Variants in PRKCH observed in about 807,000 individuals in gnomAD.
The protein encoded by PRKCH is protein kinase C eta type.
A neutral mutation model predicts 82.5 loss-of-function variants in PRKCH; 28 were observed. That is an observed-to-expected ratio of 0.34 (90% CI 0.25 to 0.47). PRKCH has a LOEUF of 0.47. PRKCH is among the 20% of genes least tolerant of loss of function. PRKCH has a pLI of 1.00. For synonymous variants in PRKCH, 322 were observed against 327.4 expected (o/e 0.98, Z 0.18); for missense variants, 705 against 881.8 (o/e 0.80, Z 2.54).
chr14:61,374,615 A>G (rs4899041), intron 1 of PRKCH, among the ~76,000 whole-genome samples: 55,426 of 151,912 alleles, frequency 0.36, 14,015 homozygotes, highest in African/African-American at 0.72. Context: ...CCAAGGCTTG[A>G]GGCTTGCACC....
chr14:61,432,057 ATC>A (rs1395645490), intron 2 of PRKCH, among the ~76,000 whole-genome samples: 3 of 105,634 alleles, frequency 2.8e-5, no homozygotes, highest in African/African-American at 7.4e-5. Flanking sequence ...GGAAGATAGA[ATC>A]TCTCTCTCTT....
At chr14:61,319,873 C>G (rs551011733), upstream of PRKCH, among the ~76,000 whole-genome samples, 27 of 152,356 alleles carry the variant, frequency 1.8e-4, no homozygotes, top group African/African-American at 6.0e-4. Flanking sequence ...TTGGTGTTTT[C>G]AAGACAGGCC....
chr14:61,230,625 A>G (rs1299021358), intron 1 of PRKCH, among the ~76,000 whole-genome samples: 2 of 152,200 alleles, frequency 1.3e-5, no homozygotes, highest in East Asian at 3.8e-4. Flanking sequence ...ATCTATATGT[A>G]TGACAGAAAT....
intron 2 of PRKCH, among the ~76,000 whole-genome samples, chr14:61,432,379 C>A (rs1883449466): frequency 6.6e-6 from 1 of 152,078 alleles, no homozygotes; most frequent in South Asian, 2.1e-4. Context: ...CGAACATTTC[C>A]CTCCTTCTTC....
intron 12 of PRKCH, among the ~76,000 whole-genome samples, chr14:61,535,492 G>C (rs2043095668): frequency 6.6e-6 from 1 of 152,228 alleles, no homozygotes; most frequent in Non-Finnish European, 1.5e-5. Flanking sequence ...AAAGTGTGCA[G>C]AGGTCTTGAG....
intron 10 of PRKCH, 96 bp from the exon 11 acceptor site, chr14:61,528,979 T>TGG: frequency 9.5e-7 from 1 of 1,049,738 alleles, no homozygotes; most frequent in African/African-American, 1.7e-5. Context: ...CGCACGTGTG[T>TGG]GTGTGTGTGT....
intron 1 of PRKCH, among the ~76,000 whole-genome samples, chr14:61,360,395 C>T (rs2046208628): frequency 6.6e-6 from 1 of 152,042 alleles, no homozygotes; most frequent in African/African-American, 2.4e-5. Context: ...ATCCCAGCTA[C>T]TCGGGAGGCT....
At chr14:61,480,807 G>A (rs933729300) in intron 9 of PRKCH, among the ~76,000 whole-genome samples, 6 of 152,140 alleles carry the variant, frequency 3.9e-5, no homozygotes, top group African/African-American at 1.4e-4. Flanking sequence ...TACAGTTACA[G>A]CGAAGCCTCA....
chr14:61,349,198 G>A (rs775827468), intron 1 of PRKCH, among the ~76,000 whole-genome samples: 1 of 152,188 alleles, frequency 6.6e-6, no homozygotes, highest in Non-Finnish European at 1.5e-5. Context: ...GAAGCAAGTA[G>A]ATCATTGTTT....
At chr14:61,313,586 C>G (rs2045540713) in intron 1 of PRKCH, among the ~76,000 whole-genome samples, 1 of 152,038 alleles carries the variant, frequency 6.6e-6, no homozygotes, top group African/African-American at 2.4e-5. Context: ...TGTTCTCATG[C>G]TGTTGATAAA....
At chr14:61,281,126 G>C in intron 1 of PRKCH, 4 of 1,406,098 alleles carry the variant, frequency 2.8e-6, no homozygotes, top group East Asian at 3.0e-5. Flanking sequence ...TGGGCGCCCC[G>C]GGCCGTGGCG....
chr14:61,406,690 G>A (rs935632304), intron 2 of PRKCH, among the ~76,000 whole-genome samples: 1 of 152,202 alleles, frequency 6.6e-6, no homozygotes, highest in African/African-American at 2.4e-5. Context: ...GCACCTGTGT[G>A]CTAATTCTTA....
chr14:61,455,480 A>G (rs370190357), intron 7 of PRKCH, among the ~76,000 whole-genome samples: 39 of 152,348 alleles, frequency 2.6e-4, no homozygotes, highest in African/African-American at 9.1e-4. Context: ...TTTGAAACCT[A>G]TTATGTAAAA....
intron 1 of PRKCH, among the ~76,000 whole-genome samples, chr14:61,288,056 A>G (rs2045330317): frequency 6.6e-6 from 1 of 152,208 alleles, no homozygotes. Context: ...ATAAATATAT[A>G]TTGCTACATC....
intron 10 of PRKCH, among the ~76,000 whole-genome samples, chr14:61,508,514 G>A (rs928541329): frequency 6.6e-6 from 1 of 152,094 alleles, no homozygotes; most frequent in African/African-American, 2.4e-5. Context: ...CTGATAGTTG[G>A]GTAAAAGGAT....
chr14:61,524,986 T>A (rs532768515), intron 10 of PRKCH: 1 of 152,352 alleles, frequency 6.6e-6, no homozygotes, highest in East Asian at 1.9e-4. Context: ...TAAGATAGGC[T>A]CTGAGTTGGC....
intron 1 of PRKCH, among the ~76,000 whole-genome samples, chr14:61,338,984 A>T (rs1278464709): frequency 6.6e-6 from 1 of 152,210 alleles, no homozygotes; most frequent in Admixed American, 6.5e-5. Flanking sequence ...GTCAAATTAC[A>T]TAGTGACAGC....
At chr14:61,533,186 G>A (rs78458132) in intron 12 of PRKCH, among the ~76,000 whole-genome samples, 2 of 152,124 alleles carry the variant, frequency 1.3e-5, no homozygotes, top group East Asian at 3.9e-4. Flanking sequence ...AAATAATATA[G>A]GTAAACTTCC....
chr14:61,192,647 C>A (rs2044413920), intron 1 of PRKCH, among the ~76,000 whole-genome samples: 1 of 152,170 alleles, frequency 6.6e-6, no homozygotes, highest in Non-Finnish European at 1.5e-5. Flanking sequence ...AGGGCTTCTT[C>A]AGGAGCAGCA....
Sources: allele counts gnomAD v4.1 joint callset (sites outside exome capture counted in the v4.1 genomes callset), GRCh38; gene constraint gnomAD v4.1.1; transcripts MANE v1.5; gene names NCBI Gene and HGNC (gene_info 2026-07-23, HGNC 2026-07-21).